TXNRD2: variants seen among roughly 807,000 people sequenced by gnomAD.
The protein encoded by TXNRD2 is thioredoxin reductase 2.
TXNRD2 carries 67 observed loss-of-function variants against 70.8 expected under a neutral mutation model. The observed-to-expected ratio is 0.95, with a 90% CI of 0.78 to 1.16. The LOEUF (loss-of-function observed/expected upper bound fraction) is 1.16, where lower values mean the gene tolerates loss of function less well. Ranked by LOEUF, TXNRD2 falls within the 50% of genes most tolerant of loss-of-function variation. TXNRD2 has a pLI of 0.00. For missense variants in TXNRD2, 644 were observed against 719.9 expected (o/e 0.89, Z 1.21); for synonymous variants, 301 against 295.8 (o/e 1.02, Z -0.18).
At chr22:19,924,332 G>A (rs1941037020) in intron 2 of TXNRD2, among the ~76,000 whole-genome samples, 1 of 152,054 alleles carries the variant, frequency 6.6e-6, no homozygotes, top group African/African-American at 2.4e-5. Flanking sequence ...TAGCCACATA[G>A]CCACATCTCC....
intron 1 of TXNRD2, among the ~76,000 whole-genome samples, chr22:19,934,155 G>C (rs940940486): frequency 6.6e-6 from 1 of 152,162 alleles, no homozygotes; most frequent in Non-Finnish European, 1.5e-5. Flanking sequence ...CCTGGCAGCA[G>C]GTGTTGTCAT....
At chr22:19,899,380 C>A (rs1939669008) in intron 8 of TXNRD2, among the ~76,000 whole-genome samples, 1 of 152,230 alleles carries the variant, frequency 6.6e-6, no homozygotes, top group East Asian at 1.9e-4. Flanking sequence ...TCCTTCTCTC[C>A]CCCCGGGGCC....
At chr22:19,921,731 G>A (rs1455513023) in intron 2 of TXNRD2, among the ~76,000 whole-genome samples, 2 of 152,188 alleles carry the variant, frequency 1.3e-5, no homozygotes, top group African/African-American at 4.8e-5. Flanking sequence ...AGACAGTGAG[G>A]AGGGGGCTGC....
intron 1 of TXNRD2, among the ~76,000 whole-genome samples, chr22:19,935,857 C>T (rs539996703): frequency 1.3e-5 from 2 of 152,322 alleles, no homozygotes; most frequent in African/African-American, 4.8e-5. Flanking sequence ...AAATGTTCAT[C>T]GGTCCAGTCC....
At chr22:19,898,655 C>G (rs971187383) in intron 9 of TXNRD2, among the ~76,000 whole-genome samples, 1 of 152,130 alleles carries the variant, frequency 6.6e-6, no homozygotes, top group East Asian at 1.9e-4. Flanking sequence ...GCTGGGACTA[C>G]AGGCATGAGC....
chr22:19,905,178 A>G (rs28458365), intron 8 of TXNRD2, among the ~76,000 whole-genome samples: 1 of 152,234 alleles, frequency 6.6e-6, no homozygotes, highest in Non-Finnish European at 1.5e-5. Flanking sequence ...AGCATCGTAC[A>G]GGGATATATC....
intron 1 of TXNRD2, chr22:19,933,440 T>C (rs1166552052): frequency 1.0e-5 from 13 of 1,289,748 alleles, no homozygotes; most frequent in East Asian, 1.1e-4. Context: ...CTACCTTCCA[T>C]GGCAGGTGCC....
At chr22:19,896,121 C>T (rs373708427) in intron 10 of TXNRD2, among the ~76,000 whole-genome samples, 2 of 152,110 alleles carry the variant, frequency 1.3e-5, no homozygotes, top group Admixed American at 1.3e-4. Context: ...CACGGTGAAA[C>T]ACTGTCTCTA....
chr22:19,883,216 AGAGAAAGTG>A, intron 12 of TXNRD2, 100 bp downstream of exon 12: 1 of 1,424,076 alleles, frequency 7.0e-7, no homozygotes, highest in Middle Eastern at 2.5e-4. Flanking sequence ...CTCTGTCATC[AGAGAAAGTG>A]TCGTTTCTCT....
At chr22:19,897,896 A>G (rs918933342) in intron 10 of TXNRD2, 143 bp downstream of exon 10, 17 of 702,950 alleles carry the variant, frequency 2.4e-5, no homozygotes, top group Middle Eastern at 3.9e-4. Context: ...TTTCCTGGAC[A>G]ACCTCCTCAT....
intron 10 of TXNRD2, among the ~76,000 whole-genome samples, chr22:19,895,966 C>T (rs1313808489): frequency 6.6e-6 from 1 of 152,186 alleles, no homozygotes; most frequent in African/African-American, 2.4e-5. Context: ...CACTGCACTC[C>T]AGCCTGGGCG....
chr22:19,892,016 C>T (rs552210835), intron 11 of TXNRD2, among the ~76,000 whole-genome samples: 69 of 152,350 alleles, frequency 4.5e-4, no homozygotes, highest in Middle Eastern at 3.4e-3. Context: ...CACACGGGAG[C>T]TCTGTGCAGC....
chr22:19,933,793 A>C (rs1941449325), intron 1 of TXNRD2, among the ~76,000 whole-genome samples: 1 of 152,154 alleles, frequency 6.6e-6, no homozygotes, highest in African/African-American at 2.4e-5. Flanking sequence ...ACCTGGGGAC[A>C]CACCACCTGT....
At chr22:19,939,383 T>C (rs1275427163) in intron 1 of TXNRD2, among the ~76,000 whole-genome samples, 1 of 152,240 alleles carries the variant, frequency 6.6e-6, no homozygotes, top group African/African-American at 2.4e-5. Context: ...CCTCTGTTCT[T>C]CTCTTCCTCC....
At chr22:19,901,204 C>T (rs143638635) in intron 8 of TXNRD2, among the ~76,000 whole-genome samples, 368 of 152,308 alleles carry the variant, frequency 2.4e-3, no homozygotes, top group African/African-American at 4.7e-3. Flanking sequence ...TGGATTGGAG[C>T]GGGGGCAGGT....
chr22:19,915,672 A>G (rs1212946334), intron 6 of TXNRD2, 93 bp downstream of exon 6: 8 of 1,185,490 alleles, frequency 6.7e-6, no homozygotes, highest in Admixed American at 1.7e-5. Context: ...ACGTGTTACT[A>G]AGAACAGCAC....
chr22:19,909,605 A>ACCACT (rs1338229849), intron 8 of TXNRD2, among the ~76,000 whole-genome samples: 68 of 138,514 alleles, frequency 4.9e-4, no homozygotes, highest in Non-Finnish European at 5.9e-4. Flanking sequence ...CACCACTCAC[A>ACCACT]CACACACACC....
intron 11 of TXNRD2, among the ~76,000 whole-genome samples, chr22:19,889,480 G>A (rs1442405686): frequency 3.9e-5 from 6 of 152,076 alleles, no homozygotes; most frequent in African/African-American, 9.7e-5. Context: ...GCGCGGTGGC[G>A]GGTGCCTGTA....
In TXNRD2 at chr22:19,911,370, G is replaced by A. The variant is rs1221682401; in HGVS notation, c.662+7C>T. 1.2e-6 allele frequency: 2 copies of A among 1,612,046 alleles called. No homozygotes were observed. Among genetic ancestry groups the A allele is most frequent in the Non-Finnish European group, 1.7e-6 (2 of 1,178,156 alleles). ...AGAGGACCCCACCAAGCACGCGCAGGCCTTACGTTTTTCCAGGGGATTCCT... is the reference window on the plus strand; with the variant it reads ...AGAGGACCCCACCAAGCACGCGCAGACCTTACGTTTTTCCAGGGGATTCCT... On this transcript the variant is annotated splice_region_variant and intron_variant, in intron 8 of 17. Transcript: ENST00000400521.
Sources: gnomAD v4.1 joint callset for allele counts (sites outside exome capture counted in the v4.1 genomes callset) on GRCh38, gnomAD v4.1.1 for gene constraint, MANE v1.5 for transcripts, NCBI Gene and HGNC (gene_info 2026-07-23, HGNC 2026-07-21) for gene names.